The following HECW1 variants were observed in gnomAD, a reference collection of about 807,000 sequenced individuals.
HECW1 encodes the protein E3 ubiquitin-protein ligase HECW1.
HECW1 carries 61 observed loss-of-function variants against 182.3 expected under a neutral mutation model. That is an observed-to-expected ratio of 0.33 (90% CI 0.27 to 0.41). HECW1 has a LOEUF of 0.41. Among genes scored for constraint, HECW1 ranks in the 10% least tolerant of loss-of-function variants. The pLI, the probability that HECW1 is intolerant of heterozygous loss-of-function variation, is 1.00. For missense variants in HECW1, 1,739 were observed against 2,108.9 expected, an observed-to-expected ratio of 0.82 and a Z score of 3.44; for synonymous variants, 859 against 832.6, an observed-to-expected ratio of 1.03 and a Z score of -0.55.
At chr7:43,208,709 C>T (rs971365891) in intron 2 of HECW1, among the ~76,000 whole-genome samples, 5 of 152,244 alleles carry the variant, frequency 3.3e-5, no homozygotes, top group African/African-American at 1.2e-4. Flanking sequence ...ACATGCTCCT[C>T]TTAGGCAATT....
chr7:43,255,394 T>C (rs1800451488), intron 3 of HECW1, among the ~76,000 whole-genome samples: 1 of 151,252 alleles, frequency 6.6e-6, no homozygotes, highest in African/African-American at 2.4e-5. Context: ...AGGTCAGGAG[T>C]TCAAGACCAG....
chr7:43,175,086 T>C (rs1792088529), intron 2 of HECW1, among the ~76,000 whole-genome samples: 2 of 152,196 alleles, frequency 1.3e-5, no homozygotes, highest in South Asian at 4.1e-4. Context: ...CAACATTTTA[T>C]TATGAAATTT....
At chr7:43,298,134 A>G (rs2152760716) in intron 3 of HECW1, among the ~76,000 whole-genome samples, 1 of 152,282 alleles carries the variant, frequency 6.6e-6, no homozygotes, top group Non-Finnish European at 1.5e-5. Context: ...GTGCCCTGGT[A>G]CCTTTATATT....
intron 8 of HECW1, among the ~76,000 whole-genome samples, chr7:43,411,752 G>C (rs1015435504): frequency 3.3e-5 from 5 of 152,016 alleles, no homozygotes; most frequent in African/African-American, 1.2e-4. Flanking sequence ...TGTCTTGAAG[G>C]CTGTTTTATC....
chr7:43,563,301 C>A lies in HECW1; in HGVS notation c.*1375C>A, dbSNP rs1309277584. Reference sequence around the variant, plus strand: ...GCTGCAGGCTCCAAAGACAGCCTAACCTCTCAACTACATTTGAAATAAACC... The same window carrying A: ...GCTGCAGGCTCCAAAGACAGCCTAAACTCTCAACTACATTTGAAATAAACC... On this transcript the variant is annotated 3_prime_UTR_variant, in exon 30 of 30. Transcript: ENST00000395891. 1.4e-5 allele frequency: 3 copies of A among 211,444 alleles called. No individual in the cohort carries two copies. Among genetic ancestry groups the A allele is most frequent in the African/African-American group, 6.8e-5 (3 of 44,080 alleles). The allele number at this position is 211,444 out of a possible 1,614,324, so 13.1% of individuals were successfully genotyped here.
intron 2 of HECW1, among the ~76,000 whole-genome samples, chr7:43,218,722 A>AG (rs1299916107): frequency 6.6e-6 from 1 of 152,186 alleles, no homozygotes; most frequent in Admixed American, 6.5e-5. Context: ...TCATGGTTTA[A>AG]GAGGTTCATT....
At chr7:43,332,713 C>A (rs1053502871) in intron 5 of HECW1, among the ~76,000 whole-genome samples, 2 of 152,088 alleles carry the variant, frequency 1.3e-5, no homozygotes, top group Non-Finnish European at 2.9e-5. Context: ...AGGTCCGACC[C>A]CTGGGCTGTT....
chr7:43,257,881 A>G (rs1230301735), intron 3 of HECW1, among the ~76,000 whole-genome samples: 1 of 152,218 alleles, frequency 6.6e-6, no homozygotes, highest in Non-Finnish European at 1.5e-5. Flanking sequence ...GTGGGATAAC[A>G]TGGGTGAAGC....
chr7:43,250,898 G>A (rs1329388175), intron 3 of HECW1, among the ~76,000 whole-genome samples: 1 of 152,156 alleles, frequency 6.6e-6, no homozygotes, highest in East Asian at 1.9e-4. Flanking sequence ...GAGTGAGGAG[G>A]GCCCTGTTAG....
At chr7:43,201,537 G>A (rs186619835) in intron 2 of HECW1, among the ~76,000 whole-genome samples, 30 of 152,222 alleles carry the variant, frequency 2.0e-4, no homozygotes, top group African/African-American at 2.6e-4. Context: ...AAACAGTAAC[G>A]GAACAGCCAG....
intron 16 of HECW1, among the ~76,000 whole-genome samples, chr7:43,477,684 T>TTAG (rs1354709326): frequency 1.3e-5 from 2 of 152,210 alleles, no homozygotes; most frequent in African/African-American, 2.4e-5. Flanking sequence ...TCACATGATA[T>TTAG]TAGTAGTGTT....
chr7:43,187,439 G>C (rs1269869115), intron 2 of HECW1, among the ~76,000 whole-genome samples: 1 of 151,832 alleles, frequency 6.6e-6, no homozygotes, highest in Non-Finnish European at 1.5e-5. Context: ...ACTCATTTTT[G>C]TTATTTTGAT....
At chr7:43,479,140 T>C (rs752571467) in intron 16 of HECW1, among the ~76,000 whole-genome samples, 5 of 152,212 alleles carry the variant, frequency 3.3e-5, no homozygotes, top group Non-Finnish European at 7.3e-5. Flanking sequence ...TATTATTACA[T>C]TGTATTATAT....
chr7:43,199,922 AAG>A (rs1309514185), intron 2 of HECW1, among the ~76,000 whole-genome samples: 1 of 152,156 alleles, frequency 6.6e-6, no homozygotes, highest in Non-Finnish European at 1.5e-5. Flanking sequence ...GGGCAATTTT[AAG>A]ATTTAATTCT....
At chr7:43,407,794 CCCT>C (rs2075660212) in intron 8 of HECW1, 63 bp downstream of exon 8, 1 of 1,422,256 alleles carries the variant, frequency 7.0e-7, no homozygotes, top group Non-Finnish European at 9.7e-7. Flanking sequence ...TGTGAACCAG[CCCT>C]CCTCCTTCCC....
At chr7:43,199,129 C>G (rs1479540410) in intron 2 of HECW1, among the ~76,000 whole-genome samples, 1 of 152,246 alleles carries the variant, frequency 6.6e-6, no homozygotes, top group African/African-American at 2.4e-5. Context: ...TCCAGGCAAG[C>G]TGAGAGCTCC....
chr7:43,122,706 G>GA (rs1341257962), intron 2 of HECW1, among the ~76,000 whole-genome samples: 7 of 151,868 alleles, frequency 4.6e-5, no homozygotes, highest in Admixed American at 2.6e-4. Context: ...CCCAGGAAAG[G>GA]AAAAAAATAT....
intron 2 of HECW1, chr7:43,118,917 C>G (rs529788375): frequency 1.3e-5 from 2 of 152,100 alleles, no homozygotes; most frequent in Non-Finnish European, 1.5e-5. Context: ...TCCACATCCC[C>G]CATGATGGAT....
At chr7:43,394,438 C>T (rs966073962) in intron 6 of HECW1, among the ~76,000 whole-genome samples, 4 of 152,182 alleles carry the variant, frequency 2.6e-5, no homozygotes, top group African/African-American at 7.2e-5. Context: ...ATCACTGAGA[C>T]AATGAGTATT....
Sources: gnomAD v4.1 joint callset for allele counts (sites outside exome capture counted in the v4.1 genomes callset) on GRCh38, gnomAD v4.1.1 for gene constraint, MANE v1.5 for transcripts, NCBI Gene and HGNC (gene_info 2026-07-23, HGNC 2026-07-21) for gene names.